The following RFX8 variants were observed in gnomAD, a reference collection of about 807,000 sequenced individuals.
The protein encoded by RFX8 is regulatory factor X8.
RFX8 carries 46 observed loss-of-function variants against 54.6 expected under a neutral mutation model. The observed-to-expected ratio is 0.84, with a 90% confidence interval of 0.67 to 1.08. The LOEUF (loss-of-function observed/expected upper bound fraction) is 1.08, where lower values mean the gene tolerates loss of function less well. Among genes scored for constraint, RFX8 ranks in the 50% least tolerant of loss-of-function variants. The pLI is 0.00. For missense variants in RFX8, 536 were observed against 562.3 expected (o/e 0.95, Z 0.47); for synonymous variants, 192 against 209.5 (o/e 0.92, Z 0.72).
At chr2:101,443,063 T>G (rs967414495) in intron 2 of RFX8, among the ~76,000 whole-genome samples, 2 of 152,152 alleles carry the variant, frequency 1.3e-5, no homozygotes, top group African/African-American at 4.8e-5. Context: ...TGCCTGATAT[T>G]ATTAGAGCAA....
chr2:101,428,150 C>A (rs542282030), intron 2 of RFX8, among the ~76,000 whole-genome samples: 1 of 151,992 alleles, frequency 6.6e-6, no homozygotes, highest in Non-Finnish European at 1.5e-5. Flanking sequence ...AAAAATTAGC[C>A]GGCGTGGTTG....
intron 2 of RFX8, among the ~76,000 whole-genome samples, chr2:101,423,114 C>T (rs1686958417): frequency 6.6e-6 from 1 of 151,936 alleles, no homozygotes; most frequent in Admixed American, 6.6e-5. Context: ...AAAAATTAGC[C>T]GGGTGTGGTG....
intron 1 of RFX8, among the ~76,000 whole-genome samples, chr2:101,471,008 C>T (rs62154332): frequency 0.064 from 9,613 of 149,572 alleles, 407 homozygotes; most frequent in East Asian, 0.19. Flanking sequence ...CGTGAGCCAC[C>T]GCGCCCGGCC....
At chr2:101,403,481 T>C (rs1380820107) in intron 10 of RFX8, among the ~76,000 whole-genome samples, 2 of 152,202 alleles carry the variant, frequency 1.3e-5, no homozygotes, top group African/African-American at 2.4e-5. Flanking sequence ...ATGACTCTTA[T>C]ACAGATATAA....
At chr2:101,432,129 C>T (rs13415012) in intron 2 of RFX8, among the ~76,000 whole-genome samples, 111,756 of 152,060 alleles carry the variant, frequency 0.73, 42,549 homozygotes, top group Middle Eastern at 0.88. Context: ...TGTCTCTTTC[C>T]ACCTCTGGAA....
intron 1 of RFX8, among the ~76,000 whole-genome samples, chr2:101,470,805 C>T (rs1408888031): frequency 7.4e-5 from 11 of 148,810 alleles, no homozygotes; most frequent in African/African-American, 1.2e-4. Context: ...ATGCAAGCTC[C>T]GCCTCCCAGG....
chr2:101,458,609 G>C (rs1259630688), intron 2 of RFX8, among the ~76,000 whole-genome samples: 1 of 152,158 alleles, frequency 6.6e-6, no homozygotes, highest in Non-Finnish European at 1.5e-5. Flanking sequence ...CCCTTTGTGG[G>C]TAACTCGACC....
At chr2:101,436,548 A>G (rs1687793233) in intron 2 of RFX8, among the ~76,000 whole-genome samples, 1 of 152,158 alleles carries the variant, frequency 6.6e-6, no homozygotes, top group South Asian at 2.1e-4. Flanking sequence ...CCTTAGGCAA[A>G]TACTAGTAGG....
intron 2 of RFX8, among the ~76,000 whole-genome samples, chr2:101,435,842 G>A (rs913324045): frequency 2.0e-5 from 3 of 150,566 alleles, no homozygotes; most frequent in Non-Finnish European, 4.4e-5. Context: ...TAAAAAAATA[G>A]CCTCAAGCTG....
rs1159692129 is a variant in RFX8 at position 101,470,752 on chromosome 2, C to T, written c.-52-3852G>A. The stretch of plus-strand genomic sequence containing the variant: ...TTTTTTTTTTTGAGATGGAGTCTCA[C>T]TCTGTCACCCAGGCTGGAGTGCAGT... On this transcript the variant is annotated intron_variant, in intron 1 of 11. Transcript: ENST00000428343. Among the ~76,000 whole-genome samples the T allele has an allele frequency of 4.6e-5, 6 of 130,082 alleles. No homozygotes were observed. In the East Asian group the frequency reaches 1.5e-3, roughly 33 times the overall value. The allele number at this position is 130,082 out of a possible 152,430, so 85.3% of individuals were successfully genotyped here.
At chr2:101,425,601 A>G (rs1366422448) in intron 2 of RFX8, among the ~76,000 whole-genome samples, 2 of 146,742 alleles carry the variant, frequency 1.4e-5, no homozygotes, top group Non-Finnish European at 3.0e-5. Context: ...TTATTACACA[A>G]CATAATAAAG....
At chr2:101,423,016 G>T (rs974186025) in intron 2 of RFX8, among the ~76,000 whole-genome samples, 1 of 152,158 alleles carries the variant, frequency 6.6e-6, no homozygotes, top group African/African-American at 2.4e-5. Context: ...CCAGCACTTT[G>T]GGAGGGCGAG....
chr2:101,438,380 T>G (rs1687902394), intron 2 of RFX8, among the ~76,000 whole-genome samples: 1 of 152,216 alleles, frequency 6.6e-6, no homozygotes, highest in Non-Finnish European at 1.5e-5. Context: ...CATTCATCAG[T>G]TGATAGACAC....
chr2:101,434,180 A>G (rs756874577), intron 2 of RFX8, among the ~76,000 whole-genome samples: 24 of 152,224 alleles, frequency 1.6e-4, no homozygotes, highest in African/African-American at 5.8e-4. Context: ...TCAGAGTAGA[A>G]TATTACCTAT....
At chr2:101,472,347 C>T (rs542045895) in intron 1 of RFX8, among the ~76,000 whole-genome samples, 2 of 152,254 alleles carry the variant, frequency 1.3e-5, no homozygotes, top group South Asian at 2.1e-4. Context: ...AGTGATCCAC[C>T]TGCCTCGGCC....
At chr2:101,468,780 G>T (rs1689723609) in intron 1 of RFX8, among the ~76,000 whole-genome samples, 1 of 151,214 alleles carries the variant, frequency 6.6e-6, no homozygotes, top group African/African-American at 2.4e-5. Flanking sequence ...AGGCATCAAG[G>T]AAGTAGATTT....
chr2:101,464,214 G>A (rs1482592137), intron 2 of RFX8, among the ~76,000 whole-genome samples: 1 of 152,204 alleles, frequency 6.6e-6, no homozygotes, highest in Non-Finnish European at 1.5e-5. Flanking sequence ...GTGATAGCCG[G>A]CATTCATTTT....
At chr2:101,429,464 AC>A (rs1394516197) in intron 2 of RFX8, among the ~76,000 whole-genome samples, 2 of 152,236 alleles carry the variant, frequency 1.3e-5, no homozygotes, top group East Asian at 3.8e-4. Flanking sequence ...ATTTCATTTC[AC>A]CATGCCTCTT....
At chr2:101,460,622 G>A (rs929633054) in intron 2 of RFX8, among the ~76,000 whole-genome samples, 2 of 151,964 alleles carry the variant, frequency 1.3e-5, no homozygotes, top group Admixed American at 6.6e-5. Context: ...ACAAAACACA[G>A]AGCAGGGAAG....
Sources: gnomAD v4.1 joint callset for allele counts (sites outside exome capture counted in the v4.1 genomes callset) on GRCh38, gnomAD v4.1.1 for gene constraint, MANE v1.5 for transcripts, NCBI Gene and HGNC (gene_info 2026-07-23, HGNC 2026-07-21) for gene names.